Variants in CREB5 observed in about 807,000 individuals in gnomAD.
The protein encoded by CREB5 is cAMP responsive element binding protein 5.
In CREB5, 19 loss-of-function variants were observed where a neutral mutation model predicts 57.1. That is an observed-to-expected ratio of 0.33 (90% confidence interval 0.23 to 0.49). CREB5 has a LOEUF of 0.49. Among genes scored for constraint, CREB5 ranks in the 20% least tolerant of loss-of-function variants. The pLI is 0.99. For synonymous variants in CREB5, 238 were observed against 238.3 expected (o/e 1.00, Z 0.01); for missense variants, 579 against 671.6 (o/e 0.86, Z 1.52).
intron 1 of CREB5, among the ~76,000 whole-genome samples, chr7:28,383,180 G>T (rs1468630298): frequency 6.6e-6 from 1 of 152,158 alleles, no homozygotes; most frequent in Non-Finnish European, 1.5e-5. Flanking sequence ...GTGGATTCGT[G>T]TTAGGCATAA....
At chr7:28,315,005 A>G (rs1267169467) in intron 1 of CREB5, among the ~76,000 whole-genome samples, 1 of 152,208 alleles carries the variant, frequency 6.6e-6, no homozygotes, top group East Asian at 1.9e-4. Context: ...GTATGCCTCA[A>G]AGCACTGTTT....
intron 5 of CREB5, among the ~76,000 whole-genome samples, chr7:28,646,307 A>T (rs2128704069): frequency 6.6e-6 from 1 of 152,314 alleles, no homozygotes; most frequent in Non-Finnish European, 1.5e-5. Flanking sequence ...AAAGATCCCG[A>T]GCAAACCTAG....
At chr7:28,311,741 C>T (rs1354546374) in intron 1 of CREB5, among the ~76,000 whole-genome samples, 1 of 152,208 alleles carries the variant, frequency 6.6e-6, no homozygotes, top group South Asian at 2.1e-4. Context: ...GGGCAAGGTA[C>T]GGCACCTCTC....
intron 5 of CREB5, among the ~76,000 whole-genome samples, chr7:28,715,220 T>C (rs1000777414): frequency 3.3e-5 from 5 of 152,194 alleles, no homozygotes; most frequent in South Asian, 4.1e-4. Flanking sequence ...AACGTAGTTA[T>C]GGGAGCCATC....
intron 1 of CREB5, among the ~76,000 whole-genome samples, chr7:28,433,882 G>A (rs1362888502): frequency 4.0e-5 from 6 of 151,288 alleles, no homozygotes; most frequent in East Asian, 2.0e-4. Flanking sequence ...TTCCTCTTTC[G>A]TCTACTGTAA....
intron 5 of CREB5, among the ~76,000 whole-genome samples, chr7:28,579,252 C>G (rs142609179): frequency 6.6e-6 from 1 of 152,334 alleles, no homozygotes; most frequent in East Asian, 1.9e-4. Flanking sequence ...TCACACCCTA[C>G]AACAACACTA....
At chr7:28,763,793 ATAT>A (rs550127685) in intron 7 of CREB5, among the ~76,000 whole-genome samples, 2 of 134,320 alleles carry the variant, frequency 1.5e-5, no homozygotes, top group Non-Finnish European at 3.2e-5. Flanking sequence ...CGCTGTGGGG[ATAT>A]TATTATTATT....
intron 9 of CREB5, among the ~76,000 whole-genome samples, chr7:28,810,311 G>T (rs1809035759): frequency 6.6e-6 from 1 of 152,176 alleles, no homozygotes; most frequent in Admixed American, 6.5e-5. Flanking sequence ...ATACTCCAGT[G>T]CTTCCAGAAG....
intron 1 of CREB5, among the ~76,000 whole-genome samples, chr7:28,480,649 C>T (rs1791284574): frequency 1.3e-5 from 2 of 152,160 alleles, no homozygotes; most frequent in South Asian, 2.1e-4. Flanking sequence ...TCCTTCAAAA[C>T]CTAAGAATCT....
chr7:28,563,045 T>A (rs1202468045), intron 4 of CREB5, among the ~76,000 whole-genome samples: 4 of 152,188 alleles, frequency 2.6e-5, no homozygotes, highest in Non-Finnish European at 4.4e-5. Flanking sequence ...TCACTTAACC[T>A]CTCTTTGCCT....
At chr7:28,636,144 A>G (rs547179573) in intron 5 of CREB5, among the ~76,000 whole-genome samples, 2 of 152,300 alleles carry the variant, frequency 1.3e-5, no homozygotes, top group East Asian at 3.9e-4. Flanking sequence ...TTCTAATAAT[A>G]TATTCACACA....
intron 5 of CREB5, among the ~76,000 whole-genome samples, chr7:28,635,160 T>A (rs138266778): frequency 2.0e-5 from 3 of 152,304 alleles, no homozygotes; most frequent in African/African-American, 7.2e-5. Context: ...TTTCAGCTAC[T>A]ATAGTACATG....
At chr7:28,406,938 C>A (rs1184853887) in intron 1 of CREB5, among the ~76,000 whole-genome samples, 1 of 150,816 alleles carries the variant, frequency 6.6e-6, no homozygotes, top group Non-Finnish European at 1.5e-5. Context: ...AAAAAAAAAT[C>A]ACCAAATGCC....
intron 5 of CREB5, among the ~76,000 whole-genome samples, chr7:28,637,462 C>A (rs1401701844): frequency 6.6e-6 from 1 of 152,160 alleles, no homozygotes; most frequent in Non-Finnish European, 1.5e-5. Context: ...TATGGACTTA[C>A]ACTTTGTGAT....
chr7:28,419,697 T>C (rs1358540366), intron 1 of CREB5, among the ~76,000 whole-genome samples: 3 of 152,234 alleles, frequency 2.0e-5, no homozygotes, highest in Non-Finnish European at 4.4e-5. Flanking sequence ...TTTTTTAGGA[T>C]GCCCATGGAC....
Position 28,342,164 on chromosome 7 carries a change from T to C in CREB5, c.-25+42723T>C, listed in dbSNP as rs112865996. Among the ~76,000 whole-genome samples, 966 of 152,340 alleles carry C rather than the reference T, an allele frequency of 6.3e-3. 6 individuals carry two copies. Among genetic ancestry groups the C allele is most frequent in the African/African-American group, 0.022 (911 of 41,578 alleles). On this transcript the variant is annotated intron_variant, in intron 1 of 9. Coordinates refer to the CREB5 transcript ENST00000396299. Reference sequence around the variant, plus strand: ...TCTGCTCTTCTCCATCTATATCCATTGACACTCATGATCCTTAAATGTAAG... The same window carrying C: ...TCTGCTCTTCTCCATCTATATCCATCGACACTCATGATCCTTAAATGTAAG...
At chr7:28,765,890 G>T (rs547687275) in intron 7 of CREB5, among the ~76,000 whole-genome samples, 2 of 152,278 alleles carry the variant, frequency 1.3e-5, no homozygotes, top group African/African-American at 4.8e-5. Flanking sequence ...GCTATTGCCC[G>T]TGTGCAGGAC....
At chr7:28,385,068 G>A (rs186049326) in intron 1 of CREB5, among the ~76,000 whole-genome samples, 11 of 152,086 alleles carry the variant, frequency 7.2e-5, no homozygotes, top group Non-Finnish European at 1.3e-4. Flanking sequence ...ACGTGCATCT[G>A]TATTTTTAAA....
intron 1 of CREB5, among the ~76,000 whole-genome samples, chr7:28,309,147 A>T (rs917009395): frequency 1.3e-5 from 2 of 152,160 alleles, no homozygotes; most frequent in Non-Finnish European, 2.9e-5. Context: ...CTAGTCTGCC[A>T]GTCCACCCTG....
Sources: allele counts gnomAD v4.1 joint callset (sites outside exome capture counted in the v4.1 genomes callset), GRCh38; gene constraint gnomAD v4.1.1; transcripts MANE v1.5; gene names NCBI Gene and HGNC (gene_info 2026-07-23, HGNC 2026-07-21).